The following RGS11 variants were observed in gnomAD, a reference collection of about 807,000 sequenced individuals.
RGS11 encodes regulator of G protein signaling 11.
In RGS11, 86 loss-of-function variants were observed where a neutral mutation model predicts 71.1. The ratio of observed to expected loss-of-function variants is 1.21; its 90% CI spans 1.02 to 1.45. RGS11 has a LOEUF of 1.45. Among genes scored for constraint, RGS11 ranks in the 40% most tolerant of loss-of-function variants. The pLI, the probability that RGS11 is intolerant of heterozygous loss-of-function variation, is 0.00. For missense variants in RGS11, 734 were observed against 635.1 expected, an observed-to-expected ratio of 1.16 and a Z score of -1.67; for synonymous variants, 298 against 254.2, an observed-to-expected ratio of 1.17 and a Z score of -1.64.
chr16:273,013 C>G (rs1397536012), intron 8 of RGS11, 82 bp from the exon 9 acceptor site: 2 of 1,285,806 alleles, frequency 1.6e-6, no homozygotes, highest in Non-Finnish European at 2.1e-6. Flanking sequence ...CTCCCAGACC[C>G]CCATGTGGAA....
At chr16:272,355 A>G (rs2051977228) in intron 9 of RGS11, 2 of 1,289,986 alleles carry the variant, frequency 1.6e-6, no homozygotes, top group African/African-American at 3.0e-5. Flanking sequence ...TCGTGAACTT[A>G]AGAAGTTTTA....
At position 273,554 on chromosome 16, in the gene RGS11, G is replaced by C. The variant is rs1389308261; in HGVS notation, c.509C>G (p.Ala170Gly). The change falls in exon 8 of 17, where the codon GCA becomes GGA. Residue 170 changes from alanine to glycine, a missense_variant and splice_region_variant. Coordinates refer to ENST00000397770, the MANE Select transcript of RGS11 (RefSeq NM_183337.3). Reference sequence around the variant, plus strand: ...GTCCCCCTTGCTGCGCTGCTTGGCTGCCCTGGGAGGAGGAGGCCGAGTTGA... The same window carrying C: ...GTCCCCCTTGCTGCGCTGCTTGGCTCCCCTGGGAGGAGGAGGCCGAGTTGA... ...VLMQAREQLR[A>G]AKQRSKGDRL... is the part of the protein sequence containing the mutation. 2 of 1,559,580 alleles carry C rather than the reference G, an allele frequency of 1.3e-6. No individual in the cohort carries two copies. Among genetic ancestry groups the C allele is most frequent in the Non-Finnish European group, 1.7e-6 (2 of 1,152,070 alleles).
At chr16:271,725 T>G in intron 9 of RGS11, 156 bp from the exon 10 acceptor site, 1 of 683,810 alleles carries the variant, frequency 1.5e-6, no homozygotes, top group Non-Finnish European at 2.5e-6. Flanking sequence ...GAGCCCCTTC[T>G]TCCAATCAGG....
At chr16:274,332 C>G in intron 4 of RGS11, 67 bp from the exon 5 acceptor site, 2 of 1,523,688 alleles carry the variant, frequency 1.3e-6, no homozygotes, top group Non-Finnish European at 1.8e-6. Context: ...TCACCCCACC[C>G]TCAGACCTCC....
At position 275,071 on chromosome 16, in the gene RGS11, G is replaced by A; in HGVS notation, c.223C>T (p.Leu75=). Residue 75 remains leucine (L), a synonymous_variant, in exon 4 of 17, where the codon CTG becomes TTG. Transcript: ENST00000397770. ...FCVSEEEALH[L]GAVLVQHGYI... ...CCATGCTGCACCAGGACGGCGCCCA[G>A]GTGCAGGGCCTCTGGGGAGGGGTGG... 1 of 1,479,876 alleles carries A rather than the reference G, an allele frequency of 6.8e-7. No homozygotes were observed. Among genetic ancestry groups the A allele is most frequent in the Non-Finnish European group, 9.0e-7 (1 of 1,114,384 alleles). 91.7% of individuals were successfully genotyped at this position (1,479,876 alleles called of 1,614,324 possible).
intron 9 of RGS11, 82 bp downstream of exon 9, chr16:272,781 A>T: frequency 9.8e-6 from 15 of 1,532,584 alleles, no homozygotes; most frequent in Non-Finnish European, 1.3e-5. Context: ...TGACGGACAG[A>T]TGGGCAGTCC....
At chr16:273,051 G>T in intron 8 of RGS11, 120 bp from the exon 9 acceptor site, 1 of 952,950 alleles carries the variant, frequency 1.0e-6, no homozygotes, top group Non-Finnish European at 1.5e-6. Context: ...CTCGGGAAGA[G>T]TCCCGACCTA....
intron 9 of RGS11, chr16:272,491 C>G: frequency 3.7e-6 from 5 of 1,349,978 alleles, no homozygotes; most frequent in Non-Finnish European, 4.9e-6. Flanking sequence ...CTGGAGGCCT[C>G]CACCTGGAGG....
At position 275,117 on chromosome 16, in the gene RGS11, G is replaced by T. The variant is rs566999385; in HGVS notation, c.212-35C>A. The T allele has an allele frequency of 3.5e-4, 522 of 1,483,616 alleles. 1 individual carries two copies. The Middle Eastern group carries it at 4.1e-3, about 12-fold the overall frequency. The allele number at this position is 1,483,616 out of a possible 1,614,324, so 91.9% of individuals were successfully genotyped here. On this transcript the variant is annotated intron_variant, in intron 3 of 16. Coordinates refer to ENST00000397770, the MANE Select transcript of RGS11 (RefSeq NM_183337.3). Reference sequence around the variant, plus strand: ...GGTGGGACGGTGAGCGCGGGGCCGCGGAAGCGGGCGAGGGCGGGACGAGCC... The same window carrying T: ...GGTGGGACGGTGAGCGCGGGGCCGCTGAAGCGGGCGAGGGCGGGACGAGCC...
chr16:271,572 A>C lies in RGS11; in HGVS notation c.658-3T>G. On this transcript the variant is annotated splice_polypyrimidine_tract_variant and splice_region_variant and intron_variant, in intron 9 of 16. Transcript: ENST00000397770. Reference sequence around the variant, plus strand: ...TTATGGAAATCTGCACTCTTGGTCTAGAAGGGGATAGGTGGGCTGCAGTTA... The same window carrying C: ...TTATGGAAATCTGCACTCTTGGTCTCGAAGGGGATAGGTGGGCTGCAGTTA... The C allele has an allele frequency of 1.9e-6, 3 of 1,613,966 alleles. No homozygotes were observed. The highest frequency in any genetic ancestry group is 2.5e-6 in the Non-Finnish European group (3 of 1,179,998).
At chr16:270,428 G>A in intron 15 of RGS11, 95 bp downstream of exon 15, 3 of 1,401,714 alleles carry the variant, frequency 2.1e-6, no homozygotes, top group African/African-American at 1.4e-5. Flanking sequence ...AGTCAACGTG[G>A]GCAGTGCCTG....
chr16:272,562 T>A (rs1302886587), intron 9 of RGS11: 2 of 1,452,536 alleles, frequency 1.4e-6, no homozygotes, highest in East Asian at 5.8e-5. Context: ...ACCCCTCCAA[T>A]TCCCAGCAAA....
intron 4 of RGS11, chr16:274,723 C>T (rs575197858): frequency 1.4e-6 from 1 of 696,142 alleles, no homozygotes; most frequent in Admixed American, 2.0e-5. Context: ...GCACATACGA[C>T]CCCTTGTGGG....
At chr16:272,352 C>G (rs1567237789) in intron 9 of RGS11, 1 of 1,289,904 alleles carries the variant, frequency 7.8e-7, no homozygotes, top group South Asian at 1.2e-5. Context: ...GGGTCGTGAA[C>G]TTAAGAAGTT....
chr16:273,596 C>A, intron 7 of RGS11, 40 bp from the exon 8 acceptor site: 1 of 1,532,006 alleles, frequency 6.5e-7, no homozygotes, highest in Non-Finnish European at 8.8e-7. Flanking sequence ...GCCCTGCACA[C>A]AGCAGCCCCT....
Position 270,948 on chromosome 16 carries a change from C to A in RGS11, c.979+36G>T, listed in dbSNP as rs772261348. 5.7e-6 allele frequency: 9 copies of A among 1,577,320 alleles called. No homozygotes were observed. In the Admixed American group the frequency reaches 1.0e-4, roughly 18 times the overall value. ...GGAGGGGTCCCAGGCAGCAGCCTCC[C>A]CGCTGGGACTGGAGCAGGGGCTGGG... is the stretch of plus-strand genomic sequence containing the variant. On this transcript the variant is annotated intron_variant, in intron 13 of 16. Coordinates refer to ENST00000397770, the MANE Select transcript of RGS11 (RefSeq NM_183337.3).
Position 275,341 on chromosome 16 carries a change from GGA to G in RGS11, c.161-10_161-9del. 6.2e-7 allele frequency: 1 copy of G among 1,612,286 alleles called. No homozygotes were observed. Among genetic ancestry groups the G allele is most frequent in the South Asian group, 1.1e-5 (1 of 91,068 alleles). On this transcript the variant is annotated splice_polypyrimidine_tract_variant and intron_variant, in intron 2 of 16. Transcript: ENST00000397770. ...ACTGCACGACGTCGCTGCCTGCACG[GGA>G]GAGACAGAGGTGGAGGGAGGCCGAG...
Position 268,448 on chromosome 16 carries a change from A to G in RGS11, c.*821T>C, listed in dbSNP as rs1019948459. 2 of 418,770 alleles carry G rather than the reference A, an allele frequency of 4.8e-6. No individual in the cohort carries two copies. The highest frequency in any genetic ancestry group is 4.0e-5 in the African/African-American group (2 of 49,820). The allele number at this position is 418,770 out of a possible 1,614,324, so 25.9% of individuals were successfully genotyped here. A position where few individuals can be genotyped will look rare whatever the true frequency, so the allele number is the denominator to read the frequency against. ...TGAAGCTGCACCCCCGAAAGGAGCC[A>G]GCTGTACCTTCACCCAGTCTGGGGG... On this transcript the variant is annotated 3_prime_UTR_variant, in exon 17 of 17. Transcript: ENST00000397770.
Position 272,869 on chromosome 16 carries a change from C to T in RGS11, c.651G>A (p.Val217=), listed in dbSNP as rs373268022. The change falls in exon 9 of 17, where the codon GTG becomes GTA. Residue 217 remains valine (V), a synonymous_variant. Coordinates refer to ENST00000397770, the MANE Select transcript of RGS11 (RefSeq NM_183337.3). ...PGRGSCAASR[V]LMTKSADFHK... is the part of the protein sequence containing the mutation. ...CACGCACGCAGGGGCTCACCATGAG[C>T]ACACGGCTGGCAGCGCAGGATCCCC... 6.5e-6 allele frequency: 10 copies of T among 1,541,664 alleles called. No individual in the cohort carries two copies. In the South Asian group the frequency reaches 7.2e-5, roughly 11 times the overall value.
Sources: gnomAD v4.1 joint callset for allele counts on GRCh38, gnomAD v4.1.1 for gene constraint, MANE v1.5 for transcripts, NCBI Gene and HGNC (gene_info 2026-07-23, HGNC 2026-07-21) for gene names.